Variants in TALDO1 observed in about 807,000 individuals in gnomAD.
TALDO1 encodes transaldolase.
TALDO1 carries 29 observed loss-of-function variants against 38.1 expected under a neutral mutation model. That is an observed-to-expected ratio of 0.76 (90% CI 0.57 to 1.04). TALDO1 has a LOEUF of 1.04. Among genes scored for constraint, TALDO1 ranks in the 50% least tolerant of loss-of-function variants. The pLI, the probability that TALDO1 is intolerant of heterozygous loss-of-function variation, is 0.00. For synonymous variants in TALDO1, 207 were observed against 176.8 expected, an observed-to-expected ratio of 1.17 and a Z score of -1.36; for missense variants, 499 against 438.1, an observed-to-expected ratio of 1.14 and a Z score of -1.24.
chr11:760,097 G>A, intron 3 of TALDO1, 25 bp from the exon 4 acceptor site: 1 of 1,613,342 alleles, frequency 6.2e-7, no homozygotes, highest in Non-Finnish European at 8.5e-7. Context: ...TGATCTGAGG[G>A]GATGGGTTCT....
At chr11:763,654 G>A (rs553132256) in intron 5 of TALDO1, 93 bp from the exon 6 acceptor site, 18 of 1,568,362 alleles carry the variant, frequency 1.1e-5, no homozygotes, top group Middle Eastern at 1.7e-4. Context: ...CAGGGGTGGC[G>A]GCTCAAGGTA....
rs2133577942 is a variant in TALDO1 at position 760,266 on chromosome 11, C to T, written c.461+13C>T. On this transcript the variant is annotated intron_variant, in intron 4 of 7. Transcript: ENST00000319006. ...TTCAGGCTGGAAAGTAAGTGGTCCC[C>T]CACAAGGAAGGAGCTCTCAGAGATT... 6.2e-7 allele frequency: 1 copy of T among 1,613,544 alleles called. No homozygotes were observed. The highest frequency in any genetic ancestry group is 1.7e-4 in the Middle Eastern group (1 of 6,058).
intron 1 of TALDO1, among the ~76,000 whole-genome samples, chr11:753,639 A>T (rs1322882675): frequency 2.0e-5 from 3 of 152,164 alleles, no homozygotes; most frequent in Admixed American, 2.0e-4. Context: ...CAGGAGAATT[A>T]CTTGAACCTG....
At chr11:752,233 C>G (rs1000137162) in intron 1 of TALDO1, 1 of 145,662 alleles carries the variant, frequency 6.9e-6, no homozygotes, top group African/African-American at 2.7e-5. Flanking sequence ...CCACGCCCAC[C>G]TAATTTTTTG....
intron 1 of TALDO1, among the ~76,000 whole-genome samples, chr11:749,465 CA>C (rs146114089): frequency 6.9e-6 from 1 of 144,312 alleles, no homozygotes; most frequent in Non-Finnish European, 1.5e-5. Context: ...TGAATATTAA[CA>C]AAAAAATACA....
chr11:757,823 T>G (rs573712122), intron 2 of TALDO1, among the ~76,000 whole-genome samples: 3 of 152,192 alleles, frequency 2.0e-5, no homozygotes, highest in African/African-American at 7.2e-5. Context: ...TGTACAGAAC[T>G]GTGAATGTGC....
intron 4 of TALDO1, among the ~76,000 whole-genome samples, chr11:762,727 C>T (rs955974025): frequency 4.6e-5 from 7 of 152,254 alleles, no homozygotes; most frequent in African/African-American, 1.2e-4. Flanking sequence ...GGCACTGCTC[C>T]GTCCTTGGGG....
chr11:751,291 G>A (rs1043188448), intron 1 of TALDO1, among the ~76,000 whole-genome samples: 5 of 152,106 alleles, frequency 3.3e-5, no homozygotes, highest in Admixed American at 6.6e-5. Context: ...ATGTAGAGAC[G>A]AATCTCTAAA....
At chr11:753,978 G>GT (rs1862792291) in intron 1 of TALDO1, among the ~76,000 whole-genome samples, 1 of 151,220 alleles carries the variant, frequency 6.6e-6, no homozygotes, top group Non-Finnish European at 1.5e-5. Context: ...TTACTCTGAA[G>GT]AAAAAAACTT....
intron 3 of TALDO1, among the ~76,000 whole-genome samples, 164 bp from the exon 4 acceptor site, chr11:759,958 C>CA (rs1420200266): frequency 6.6e-6 from 1 of 152,114 alleles, no homozygotes; most frequent in East Asian, 1.9e-4. Flanking sequence ...GAGTTGCTGT[C>CA]AGAGCCATTC....
At chr11:750,258 CA>C (rs1324805465) in intron 1 of TALDO1, among the ~76,000 whole-genome samples, 2 of 152,036 alleles carry the variant, frequency 1.3e-5, no homozygotes, top group Non-Finnish European at 2.9e-5. Context: ...ATAGTTTTGT[CA>C]TTAAAGGACC....
chr11:757,657 A>G (rs1862860998), intron 2 of TALDO1, among the ~76,000 whole-genome samples: 2 of 152,168 alleles, frequency 1.3e-5, no homozygotes, highest in South Asian at 4.1e-4. Context: ...GTGGGCTAAC[A>G]AGGCTGCTCA....
Position 763,308 on chromosome 11 carries a change from T to A in TALDO1, c.462-36T>A. ...CCCCCGCCCTCACCTGTCCCCGCCC[T>A]CACCTGCCCCGCCCTCACCTGTCCC... On this transcript the variant is annotated intron_variant, in intron 4 of 7. Transcript: ENST00000319006. The A allele has an allele frequency of 2.9e-5, 12 of 420,594 alleles. 4 individuals carry two copies. The highest frequency in any genetic ancestry group is 4.2e-5 in the Non-Finnish European group (12 of 283,094). The allele number at this position is 420,594 out of a possible 1,614,324, so 26.1% of individuals were successfully genotyped here. A position where few individuals can be genotyped will look rare whatever the true frequency, so the allele number is the denominator to read the frequency against.
chr11:755,107 G>A (rs577430895), intron 1 of TALDO1, among the ~76,000 whole-genome samples: 10 of 145,734 alleles, frequency 6.9e-5, no homozygotes, highest in Admixed American at 6.8e-4. Flanking sequence ...GAGCAATGCT[G>A]TGTGTCCTGA....
chr11:753,415 C>T (rs1862781758), intron 1 of TALDO1, among the ~76,000 whole-genome samples: 1 of 152,300 alleles, frequency 6.6e-6, no homozygotes, highest in East Asian at 1.9e-4. Flanking sequence ...CCTGTAGTCC[C>T]AGCTACTCGG....
At position 763,362 on chromosome 11, in the gene TALDO1, C is replaced by T. The variant is rs200500899; in HGVS notation, c.480C>T (p.His160=). The change falls in exon 5 of 8, where the codon CAC becomes CAT. Residue 160 remains histidine (H), a synonymous_variant. Transcript: ENST00000319006. ...IQAGKELEEQ[H]GIHCNMTLLF... is the part of the protein sequence containing the mutation. ...CCCGCAGGGAGCTCGAGGAGCAGCA[C>T]GGCATCCACTGCAACATGACGTTAC... 8.1e-6 allele frequency: 13 copies of T among 1,609,522 alleles called. No homozygotes were observed. Among genetic ancestry groups the T allele is most frequent in the East Asian group, 2.2e-5 (1 of 44,666 alleles).
chr11:764,708 T>A (rs911988259), intron 7 of TALDO1, 105 bp from the exon 8 acceptor site: 3 of 1,571,134 alleles, frequency 1.9e-6, no homozygotes, highest in Admixed American at 3.3e-5. Flanking sequence ...CCACACAGAG[T>A]GCAGACCCCA....
Position 763,362 on chromosome 11 carries a change from C to A in TALDO1, c.480C>A (p.His160Gln), listed in dbSNP as rs200500899. ...IQAGKELEEQ[H>Q]GIHCNMTLLF... Reference sequence around the variant, plus strand: ...CCCGCAGGGAGCTCGAGGAGCAGCACGGCATCCACTGCAACATGACGTTAC... The same window carrying A: ...CCCGCAGGGAGCTCGAGGAGCAGCAAGGCATCCACTGCAACATGACGTTAC... The change falls in exon 5 of 8, where the codon CAC becomes CAA. Residue 160 changes from histidine to glutamine, a missense_variant. By Grantham distance (24) the His-to-Gln change is conservative. Transcript: ENST00000319006. 2 of 1,609,408 alleles carry A rather than the reference C, an allele frequency of 1.2e-6. No individual in the cohort carries two copies. Among genetic ancestry groups the A allele is most frequent in the East Asian group, 2.2e-5 (1 of 44,678 alleles).
intron 6 of TALDO1, 35 bp downstream of exon 6, chr11:763,979 G>T: frequency 6.3e-7 from 1 of 1,599,756 alleles, no homozygotes. Context: ...GCTCCTGCTC[G>T]GGCAAGGCCA....
Sources: gnomAD v4.1 joint callset for allele counts (sites outside exome capture counted in the v4.1 genomes callset) on GRCh38, gnomAD v4.1.1 for gene constraint, MANE v1.5 for transcripts, NCBI Gene and HGNC (gene_info 2026-07-23, HGNC 2026-07-21) for gene names.